Variants in WDR36 observed in about 807,000 individuals in gnomAD.
WDR36 encodes WD repeat-containing protein 36.
Under a neutral mutation model 112.7 loss-of-function variants are expected in WDR36, and 63 were observed. The observed-to-expected ratio is 0.56, with a 90% CI of 0.46 to 0.69. WDR36 has a LOEUF of 0.69. WDR36 is among the 30% of genes least tolerant of loss of function. The pLI is 0.00. For synonymous variants in WDR36, 410 were observed against 362.2 expected (o/e 1.13, Z -1.50); for missense variants, 1,226 against 1,070.3 (o/e 1.15, Z -2.03).
intron 16 of WDR36, among the ~76,000 whole-genome samples, chr5:111,116,568 A>G (rs1049153584): frequency 1.3e-5 from 2 of 151,914 alleles, no homozygotes; most frequent in Admixed American, 6.6e-5. Context: ...TAGAATAGGA[A>G]TTGTTTTAAT....
At chr5:111,114,350 T>G (rs1229381899) in intron 16 of WDR36, among the ~76,000 whole-genome samples, 1 of 152,190 alleles carries the variant, frequency 6.6e-6, no homozygotes, top group Non-Finnish European at 1.5e-5. Context: ...TAATCTAAAA[T>G]ATTCCCAAAT....
At position 111,104,743 on chromosome 5, in the gene WDR36, T is replaced by G; in HGVS notation, c.953T>G (p.Phe318Cys). The change falls in exon 9 of 23, where the codon TTC becomes TGC. Residue 318 changes from phenylalanine to cysteine, a missense_variant. Coordinates refer to ENST00000513710, the MANE Select transcript of WDR36 (RefSeq NM_139281.3). ...ACAGGTGAAGGCCGACTTTTGAGATTCAGAATGGGTCATAGTGCTCCTCTT... is the reference window on the plus strand; with the variant it reads ...ACAGGTGAAGGCCGACTTTTGAGATGCAGAATGGGTCATAGTGCTCCTCTT... The part of the protein sequence containing the change: ...GPTGEGRLLR[F>C]RMGHSAPLTN... The G allele has an allele frequency of 6.2e-7, 1 of 1,611,444 alleles. No homozygotes were observed. The highest frequency in any genetic ancestry group is 1.1e-5 in the South Asian group (1 of 91,062).
At position 111,100,522 on chromosome 5, in the gene WDR36, A is replaced by G. The variant is rs546702180; in HGVS notation, c.410-67A>G. 3.4e-5 allele frequency: 38 copies of G among 1,124,548 alleles called. No individual in the cohort carries two copies. The African/African-American group carries it at 5.5e-4, about 16-fold the overall frequency. The allele number at this position is 1,124,548 out of a possible 1,614,324, so 69.7% of individuals were successfully genotyped here. ...TGTGATAGACTTACTTTAAGTGATA[A>G]ATATATGGTTACATAAAACATTTTA... On this transcript the variant is annotated intron_variant, in intron 4 of 22. Coordinates refer to ENST00000513710, the MANE Select transcript of WDR36 (RefSeq NM_139281.3).
chr5:111,096,120 A>C (rs1361344709), intron 2 of WDR36, among the ~76,000 whole-genome samples: 1 of 152,232 alleles, frequency 6.6e-6, no homozygotes, highest in African/African-American at 2.4e-5. Flanking sequence ...AAAGTACAAC[A>C]ATCCTGTGTC....
rs938688274 is a variant in WDR36, at chr5:111,128,294, G to A, written c.*1411G>A. 2 of 186,612 alleles carry A rather than the reference G, an allele frequency of 1.1e-5. No individual in the cohort carries two copies. The highest frequency in any genetic ancestry group is 2.3e-5 in the Non-Finnish European group (2 of 88,350). 11.6% of individuals were successfully genotyped at this position (186,612 alleles called of 1,614,324 possible). On this transcript the variant is annotated 3_prime_UTR_variant, in exon 23 of 23. Transcript: ENST00000513710. Reference sequence around the variant, plus strand: ...AGCAGTCCTCAAAAGGCATTTACCAGTGATATCTTTTAATATTCATGTTTT... The same window carrying A: ...AGCAGTCCTCAAAAGGCATTTACCAATGATATCTTTTAATATTCATGTTTT...
intron 1 of WDR36, 128 bp from the exon 2 acceptor site, chr5:111,094,792 G>T (rs1405545537): frequency 1.3e-6 from 1 of 757,674 alleles, no homozygotes; most frequent in East Asian, 2.8e-5. Context: ...ATTAGTGTCA[G>T]TAAGTGTCTT....
In WDR36 at chr5:111,102,841, C is replaced by CT. The variant is rs375525194; in HGVS notation, c.597+450dup. ...TGATGGACTATTTAAGAAATAACTG[C>CT]TTTTTTTTAATGAATCTGCAAAATA... On this transcript the variant is annotated intron_variant, in intron 6 of 22. Transcript: ENST00000513710. Among the ~76,000 whole-genome samples, 831 of 151,282 alleles carry CT rather than the reference C, an allele frequency of 5.5e-3. 6 individuals carry two copies. Among genetic ancestry groups the CT allele is most frequent in the African/African-American group, 0.016 (667 of 41,358 alleles).
Position 111,107,420 on chromosome 5 carries a change from A to C in WDR36, c.1307A>C (p.Lys436Thr), listed in dbSNP as rs761760186. 1 of 1,610,176 alleles carries C rather than the reference A, an allele frequency of 6.2e-7. No homozygotes were observed. Among genetic ancestry groups the C allele is most frequent in the Non-Finnish European group, 8.5e-7 (1 of 1,177,358 alleles). Reference protein sequence around the residue: ...AYFLKPKELKKDDITATAVDI... With the variant: ...AYFLKPKELKTDDITATAVDI... ...TTTCTCAAGCCAAAAGAGTTGAAGA[A>C]AGATGACATAACTGCAACAGTAAGT... is the stretch of plus-strand genomic sequence containing the variant. The change falls in exon 12 of 23, where the codon AAA becomes ACA. Residue 436 changes from lysine to threonine, a missense_variant. Lys to Thr is a moderately conservative substitution (Grantham distance 78, BLOSUM62 -1). Transcript: ENST00000513710.
chr5:111,093,022 G>C (rs1343960278), intron 1 of WDR36, among the ~76,000 whole-genome samples: 1 of 152,208 alleles, frequency 6.6e-6, no homozygotes, highest in East Asian at 1.9e-4. Context: ...TTCACTCTAG[G>C]TAGAATACAT....
chr5:111,108,161 T>G (rs1345172165), intron 12 of WDR36, among the ~76,000 whole-genome samples: 1 of 151,444 alleles, frequency 6.6e-6, no homozygotes, highest in Non-Finnish European at 1.5e-5. Flanking sequence ...TGTAGTTGTT[T>G]GTATATAAGT....
At chr5:111,119,178 T>C in intron 17 of WDR36, 58 bp downstream of exon 17, 1 of 1,376,488 alleles carries the variant, frequency 7.3e-7, no homozygotes. Context: ...GTCAGAGAGT[T>C]AGAGTTGCTA....
At chr5:111,103,765 T>C in intron 6 of WDR36, 21 bp from the exon 7 acceptor site, 1 of 1,610,018 alleles carries the variant, frequency 6.2e-7, no homozygotes, top group African/African-American at 1.3e-5. Flanking sequence ...AAAGTAAAAG[T>C]TTGAATAATT....
At chr5:111,096,578 C>G (rs149205188) in intron 2 of WDR36, among the ~76,000 whole-genome samples, 1 of 152,018 alleles carries the variant, frequency 6.6e-6, no homozygotes, top group Non-Finnish European at 1.5e-5. Flanking sequence ...GTGGTGCACT[C>G]CTATAATCCC....
In WDR36 at chr5:111,127,003, A is replaced by C; in HGVS notation, c.*120A>C. ...ATGCTAGCACTACTGACTAGTCAGT[A>C]TATCTCCACTTTAAATGCTAAATAC... On this transcript the variant is annotated 3_prime_UTR_variant, in exon 23 of 23. Coordinates refer to ENST00000513710, the MANE Select transcript of WDR36 (RefSeq NM_139281.3). The C allele has an allele frequency of 5.3e-6, 5 of 950,092 alleles. No individual in the cohort carries two copies. Among genetic ancestry groups the C allele is most frequent in the Admixed American group, 3.1e-5 (1 of 32,240 alleles). 58.9% of individuals were successfully genotyped at this position (950,092 alleles called of 1,614,324 possible).
chr5:111,103,874 T>G lies in WDR36; in HGVS notation c.686T>G (p.Phe229Cys), dbSNP rs149310387. 12 of 1,611,266 alleles carry G rather than the reference T, an allele frequency of 7.4e-6. No individual in the cohort carries two copies. The African/African-American group carries it at 1.3e-4, about 18-fold the overall frequency. Residue 229 changes from phenylalanine to cysteine, a missense_variant, in exon 7 of 23, where the codon TTT becomes TGT. Transcript: ENST00000513710. ...AAATTTAATGAAACATTAATGAAGT[T>G]TCGTCAAGACTGGGGACCCATTACT... ...NIKFNETLMK[F>C]RQDWGPITSI... is the part of the protein sequence containing the mutation.
chr5:111,106,133 G>A lies in WDR36; in HGVS notation c.1170G>A (p.Lys390=). 6.2e-7 allele frequency: 1 copy of A among 1,609,710 alleles called. No homozygotes were observed. The highest frequency in any genetic ancestry group is 8.5e-7 in the Non-Finnish European group (1 of 1,176,890). ...CAGTGAGACTTCCACCCATCACAAA[G>A]TTTGCAGCAGGTAAGTAACTTCAAA... ...TMSVRLPPIT[K]FAAEEARESD... is the part of the protein sequence containing the mutation. Residue 390 remains lysine, a synonymous_variant, in exon 11 of 23, where the codon AAG becomes AAA. Coordinates refer to ENST00000513710, the MANE Select transcript of WDR36 (RefSeq NM_139281.3).
rs144309275 is a variant in WDR36 at position 111,105,127 on chromosome 5, C to G, written c.1028-168C>G. ...TCCTTTGTTCTTACTAAATGGCATT[C>G]TATAAAAAGTTGAATATTTTAATGA... On this transcript the variant is annotated intron_variant, in intron 9 of 22. Coordinates refer to ENST00000513710, the MANE Select transcript of WDR36 (RefSeq NM_139281.3). Among the ~76,000 whole-genome samples, 352 of 151,696 alleles carry G rather than the reference C, an allele frequency of 2.3e-3. 11 individuals are homozygous for G. The East Asian group carries it at 0.046, about 20-fold the overall frequency.
At chr5:111,094,595 C>T (rs1040894551) in intron 1 of WDR36, among the ~76,000 whole-genome samples, 3 of 152,152 alleles carry the variant, frequency 2.0e-5, no homozygotes, top group Non-Finnish European at 4.4e-5. Flanking sequence ...CATTATTTAT[C>T]TATTACGTAT....
Position 111,104,247 on chromosome 5 carries a change from A to G in WDR36, c.801A>G (p.Lys267=). The change falls in exon 8 of 23, where the codon AAA becomes AAG. Residue 267 remains lysine, a synonymous_variant. Transcript: ENST00000513710. ...HIGLWDLEDK[K]LINQMRNAHS... is the part of the protein sequence containing the mutation. ...GACTCTGGGATCTAGAAGACAAAAAATTAATCAACCAAATGAGAAATGCAC... is the reference window on the plus strand; with the variant it reads ...GACTCTGGGATCTAGAAGACAAAAAGTTAATCAACCAAATGAGAAATGCAC... The G allele has an allele frequency of 1.2e-6, 2 of 1,612,100 alleles. No homozygotes were observed. The highest frequency in any genetic ancestry group is 1.7e-6 in the Non-Finnish European group (2 of 1,178,602).
Sources: gnomAD v4.1 joint callset for allele counts (sites outside exome capture counted in the v4.1 genomes callset) on GRCh38, gnomAD v4.1.1 for gene constraint, MANE v1.5 for transcripts, NCBI Gene and HGNC (gene_info 2026-07-23, HGNC 2026-07-21) for gene names.